Variants in MICU1 observed in about 807,000 individuals in gnomAD.
MICU1 encodes the protein calcium uptake protein 1, mitochondrial.
MICU1 carries 45 observed loss-of-function variants against 56.8 expected under a neutral mutation model. The ratio of observed to expected loss-of-function variants is 0.79; its 90% CI spans 0.62 to 1.02. The LOEUF (loss-of-function observed/expected upper bound fraction) is 1.02. MICU1 is among the 50% of genes least tolerant of loss of function. The pLI, the probability that MICU1 is intolerant of heterozygous loss-of-function variation, is 0.00. For missense variants in MICU1, 504 were observed against 587.1 expected, an observed-to-expected ratio of 0.86 and a Z score of 1.46; for synonymous variants, 186 against 195.1, an observed-to-expected ratio of 0.95 and a Z score of 0.39.
chr10:72,527,711 A>G (rs1007113005), intron 5 of MICU1, among the ~76,000 whole-genome samples: 2 of 152,212 alleles, frequency 1.3e-5, no homozygotes, highest in Non-Finnish European at 1.5e-5. Context: ...GGTTGTGTGC[A>G]CTAAATGAGT....
chr10:72,582,090 T>G (rs1433734506), intron 1 of MICU1, among the ~76,000 whole-genome samples: 1 of 152,030 alleles, frequency 6.6e-6, no homozygotes, highest in African/African-American at 2.4e-5. Flanking sequence ...CCACCACGCC[T>G]GGGTAATTTT....
At chr10:72,619,934 GGGA>G (rs1440762390) in intron 1 of MICU1, among the ~76,000 whole-genome samples, 1 of 152,026 alleles carries the variant, frequency 6.6e-6, no homozygotes, top group Non-Finnish European at 1.5e-5. Flanking sequence ...GAATAAAAAG[GGGA>G]GGAGGATACA....
In MICU1 at chr10:72,423,248, A is replaced by G. The variant is rs1308539456; in HGVS notation, c.1057T>C (p.Phe353Leu). Residue 353 changes from phenylalanine (F) to leucine (L), a missense_variant, in exon 9 of 12, where the codon TTC becomes CTC. Phe to Leu is a conservative substitution (Grantham distance 22, BLOSUM62 0). Coordinates refer to ENST00000361114, the MANE Select transcript of MICU1 (RefSeq NM_001195518.2). The stretch of plus-strand genomic sequence containing the variant: ...AAGCTACCTACCTTTCCTTCTTTGA[A>G]GTGCTTCTTGAGCTGCCTCTGCATG... ...TAMQRQLKKH[F>L]KEGKGLTFQE... 1 of 1,613,482 alleles carries G rather than the reference A, an allele frequency of 6.2e-7. No individual in the cohort carries two copies. Among genetic ancestry groups the G allele is most frequent in the Non-Finnish European group, 8.5e-7 (1 of 1,179,690 alleles).
Position 72,368,100 on chromosome 10 carries a change from A to G in MICU1, c.*95T>C, listed in dbSNP as rs987103333. On this transcript the variant is annotated 3_prime_UTR_variant, in exon 12 of 12. Transcript: ENST00000361114. Reference sequence around the variant, plus strand: ...GGTCATCCCGGGAGGAAGGGGGACTACTTCCAGAAGCAGCAGCACAAAGGG... The same window carrying G: ...GGTCATCCCGGGAGGAAGGGGGACTGCTTCCAGAAGCAGCAGCACAAAGGG... The G allele has an allele frequency of 1.5e-6, 2 of 1,321,896 alleles. No individual in the cohort carries two copies. The highest frequency in any genetic ancestry group is 2.5e-5 in the East Asian group (1 of 39,802). 81.9% of individuals were successfully genotyped at this position (1,321,896 alleles called of 1,614,324 possible). A position where few individuals can be genotyped will look rare whatever the true frequency, so the allele number is the denominator to read the frequency against.
chr10:72,384,547 T>C (rs913965077), intron 10 of MICU1, among the ~76,000 whole-genome samples: 4 of 152,198 alleles, frequency 2.6e-5, no homozygotes, highest in African/African-American at 9.6e-5. Flanking sequence ...TAATTCATGA[T>C]GGTAATCATG....
intron 11 of MICU1, among the ~76,000 whole-genome samples, chr10:72,372,868 G>A (rs1217026209): frequency 1.3e-5 from 2 of 149,090 alleles, no homozygotes; most frequent in African/African-American, 2.5e-5. Flanking sequence ...AACCAAGATC[G>A]TGCTGTTGCT....
At chr10:72,504,924 A>C (rs1323264179) in intron 6 of MICU1, among the ~76,000 whole-genome samples, 1 of 152,002 alleles carries the variant, frequency 6.6e-6, no homozygotes, top group Non-Finnish European at 1.5e-5. Flanking sequence ...AGCTACAATG[A>C]GATGCCATCT....
chr10:72,588,770 G>A (rs1400810149), intron 1 of MICU1, among the ~76,000 whole-genome samples: 1 of 152,116 alleles, frequency 6.6e-6, no homozygotes, highest in Non-Finnish European at 1.5e-5. Flanking sequence ...GCTTTCACAT[G>A]CTAGATGCCG....
intron 11 of MICU1, among the ~76,000 whole-genome samples, chr10:72,369,014 G>C (rs577907716): frequency 1.3e-5 from 2 of 152,216 alleles, no homozygotes; most frequent in African/African-American, 2.4e-5. Flanking sequence ...GTGGTGGCTT[G>C]TGCTTGATTT....
intron 1 of MICU1, among the ~76,000 whole-genome samples, chr10:72,585,504 A>G (rs1589367110): frequency 6.6e-6 from 1 of 151,904 alleles, no homozygotes; most frequent in African/African-American, 2.4e-5. Flanking sequence ...ACACCAGCCT[A>G]GCCAACATGG....
At chr10:72,546,077 G>A (rs1263499596) in intron 4 of MICU1, among the ~76,000 whole-genome samples, 1 of 152,152 alleles carries the variant, frequency 6.6e-6, no homozygotes, top group Non-Finnish European at 1.5e-5. Flanking sequence ...AATCCCTTTG[G>A]CTAAGGGGAG....
chr10:72,595,703 A>G (rs1841361814), intron 1 of MICU1, among the ~76,000 whole-genome samples: 2 of 152,004 alleles, frequency 1.3e-5, no homozygotes, highest in Admixed American at 6.5e-5. Flanking sequence ...CTTTAAGTAA[A>G]CCTGTGAAGC....
chr10:72,612,954 T>G (rs1057480565), intron 1 of MICU1, among the ~76,000 whole-genome samples: 1 of 151,782 alleles, frequency 6.6e-6, no homozygotes, highest in Non-Finnish European at 1.5e-5. Flanking sequence ...ATCCATAATA[T>G]AAAGAAAAAC....
At chr10:72,523,327 T>G (rs769728293) in intron 5 of MICU1, among the ~76,000 whole-genome samples, 1 of 152,232 alleles carries the variant, frequency 6.6e-6, no homozygotes, top group Non-Finnish European at 1.5e-5. Flanking sequence ...GTTTGTGCCA[T>G]GGCTGTTCTA....
intron 9 of MICU1, among the ~76,000 whole-genome samples, chr10:72,409,173 G>T (rs887682876): frequency 1.3e-5 from 2 of 152,166 alleles, no homozygotes; most frequent in Admixed American, 6.5e-5. Flanking sequence ...AGACACTGAT[G>T]TTAATGCCTT....
Position 72,451,373 on chromosome 10 carries a change from C to T in MICU1, c.933+23727G>A, listed in dbSNP as rs190023569. On this transcript the variant is annotated intron_variant, in intron 8 of 11. Transcript: ENST00000361114. The stretch of plus-strand genomic sequence containing the variant: ...CATCTCTTCTTGGGGTCCTAATAGG[C>T]TTGCAACAGCTGATGCATCAATGTG... 1.4e-4 allele frequency among the ~76,000 whole-genome samples: 21 copies of T among 152,112 alleles called. No individual in the cohort carries two copies. In the East Asian group the frequency reaches 3.7e-3, roughly 27 times the overall value.
At chr10:72,625,043 A>G (rs1842195430) in intron 1 of MICU1, among the ~76,000 whole-genome samples, 1 of 152,188 alleles carries the variant, frequency 6.6e-6, no homozygotes, top group African/African-American at 2.4e-5. Flanking sequence ...GTTTCACCTC[A>G]TGAAATGCAA....
chr10:72,433,650 G>C (rs910279609), intron 8 of MICU1, among the ~76,000 whole-genome samples: 2 of 151,932 alleles, frequency 1.3e-5, no homozygotes, highest in Admixed American at 6.6e-5. Context: ...GGCTGGTCTC[G>C]AACTCCTGAC....
chr10:72,555,165 G>A (rs1840129657), intron 3 of MICU1, among the ~76,000 whole-genome samples: 3 of 152,200 alleles, frequency 2.0e-5, no homozygotes, highest in Admixed American at 6.5e-5. Flanking sequence ...CCAGCAAGGG[G>A]AAGATGAAGA....
Sources: gnomAD v4.1 joint callset for allele counts (sites outside exome capture counted in the v4.1 genomes callset) on GRCh38, gnomAD v4.1.1 for gene constraint, MANE v1.5 for transcripts, NCBI Gene and HGNC (gene_info 2026-07-23, HGNC 2026-07-21) for gene names.